Variants in MYO5A observed in about 807,000 individuals in gnomAD.
MYO5A encodes the protein myosin VA, also known as unconventional myosin-Va.
A neutral mutation model predicts 249.7 loss-of-function variants in MYO5A; 98 were observed. The observed-to-expected ratio is 0.39, with a 90% confidence interval of 0.33 to 0.46. MYO5A has a LOEUF of 0.46. MYO5A is among the 20% of genes least tolerant of loss of function. The pLI, the probability that MYO5A is intolerant of heterozygous loss-of-function variation, is 0.98. For missense variants in MYO5A, 1,696 were observed against 2,308.8 expected (o/e 0.73, Z 5.44); for synonymous variants, 778 against 810.6 (o/e 0.96, Z 0.68).
intron 34 of MYO5A, among the ~76,000 whole-genome samples, chr15:52,335,631 A>T (rs2039083474): frequency 6.6e-6 from 1 of 152,118 alleles, no homozygotes. Context: ...AGAAAAGATA[A>T]GATCCATTTG....
chr15:52,399,143 A>G (rs2042626844), intron 9 of MYO5A, among the ~76,000 whole-genome samples: 1 of 152,112 alleles, frequency 6.6e-6, no homozygotes, highest in South Asian at 2.1e-4. Context: ...CTCATTTTGG[A>G]CTTCACCTAT....
At position 52,393,420 on chromosome 15, in the gene MYO5A, G is replaced by A. The variant is rs2042344240; in HGVS notation, c.1402-1350C>T. ...CTTTTCTTTTTTTTTTTGAGACAGA[G>A]TCTTGCTCTGTCACCCAGGCTGGAG... is the stretch of plus-strand genomic sequence containing the variant. On this transcript the variant is annotated intron_variant, in intron 11 of 41. Transcript: ENST00000399233. Among the ~76,000 whole-genome samples, 5 of 149,940 alleles carry A rather than the reference G, an allele frequency of 3.3e-5. No homozygotes were observed. The South Asian group carries it at 1.1e-3, about 32-fold the overall frequency.
chr15:52,319,818 G>A (rs1451547069), intron 38 of MYO5A, among the ~76,000 whole-genome samples: 4 of 152,136 alleles, frequency 2.6e-5, no homozygotes, highest in Non-Finnish European at 5.9e-5. Context: ...CTTTACTGAA[G>A]GAATAATTCT....
intron 12 of MYO5A, among the ~76,000 whole-genome samples, chr15:52,389,751 G>T (rs1203537570): frequency 6.6e-6 from 1 of 152,120 alleles, no homozygotes; most frequent in Admixed American, 6.5e-5. Flanking sequence ...TCAGGAGTTC[G>T]AGATTAGCCT....
chr15:52,463,082 T>G (rs1187083345), intron 1 of MYO5A, among the ~76,000 whole-genome samples: 1 of 152,170 alleles, frequency 6.6e-6, no homozygotes, highest in East Asian at 1.9e-4. Flanking sequence ...CAGTCTATTT[T>G]AGGTTGTAAA....
rs137919637 is a variant in MYO5A at position 52,431,854 on chromosome 15, G to A, written c.138+1321C>T. ...AATTTAAAAATTAGCCAGGCATGGT[G>A]GCTCATGCCTGTGGTTCCAGCCACT... On this transcript the variant is annotated intron_variant, in intron 2 of 41. Coordinates refer to ENST00000399233, the MANE Select transcript of MYO5A (RefSeq NM_001382347.1). 3.1e-4 allele frequency among the ~76,000 whole-genome samples: 47 copies of A among 152,138 alleles called. 1 individual carries two copies. The highest frequency in any genetic ancestry group is 1.0e-3 in the African/African-American group (42 of 41,510).
chr15:52,498,040 C>CTAGAA (rs2077077790), intron 1 of MYO5A, among the ~76,000 whole-genome samples: 1 of 151,530 alleles, frequency 6.6e-6, no homozygotes, highest in South Asian at 2.1e-4. Flanking sequence ...TTCCAAGAAG[C>CTAGAA]TACAAAAAGA....
chr15:52,432,271 C>A (rs1397642450), intron 2 of MYO5A, among the ~76,000 whole-genome samples: 1 of 152,154 alleles, frequency 6.6e-6, no homozygotes, highest in Non-Finnish European at 1.5e-5. Flanking sequence ...GAACACTGGG[C>A]AAATATTAGC....
At chr15:52,461,578 G>A (rs931001429) in intron 1 of MYO5A, among the ~76,000 whole-genome samples, 4 of 152,090 alleles carry the variant, frequency 2.6e-5, no homozygotes, top group African/African-American at 9.7e-5. Context: ...GGGGCTCTAG[G>A]TTAGTAAAAC....
Position 52,340,207 on chromosome 15 carries a change from T to G in MYO5A, c.4228A>C (p.Asn1410His). 6.2e-7 allele frequency: 1 copy of G among 1,614,134 alleles called. No homozygotes were observed. ...GCAGCTCTCCTTACCAAGTTTTCGT[T>G]GGTCAGCCGGGTGATCTCGTGCTGC... ...SLQHEITRLT[N>H]ENLYFEELYA... Residue 1410 changes from asparagine to histidine, a missense_variant, in exon 32 of 42, where the codon AAC (asparagine) becomes CAC (histidine). By Grantham distance (68) the Asn-to-His change is moderately conservative. Around this residue, in one of 5 missense-constraint regions of MYO5A, gnomAD observed 625 missense variants for 908.1 expected, o/e 0.69. Transcript: ENST00000399233.
Position 52,311,840 on chromosome 15 carries a change from C to T in MYO5A, c.*1856G>A, listed in dbSNP as rs952101795. The T allele has an allele frequency of 6.6e-6, 1 of 152,530 alleles. No homozygotes were observed. Among genetic ancestry groups the T allele is most frequent in the Non-Finnish European group, 1.5e-5 (1 of 68,026 alleles). 9.4% of individuals were successfully genotyped at this position (152,530 alleles called of 1,614,324 possible). A position where few individuals can be genotyped will look rare whatever the true frequency, so the allele number is the denominator to read the frequency against. ...ATTTTATAAACGAGGAACTTGAGGC[C>T]CATGTAAATTAACAGACAGTATTTA... On this transcript the variant is annotated 3_prime_UTR_variant, in exon 42 of 42. Transcript: ENST00000399233.
Position 52,343,105 on chromosome 15 carries a change from G to A in MYO5A, c.4040+12C>T. On this transcript the variant is annotated intron_variant, in intron 31 of 41. Transcript: ENST00000399233. Reference sequence around the variant, plus strand: ...AATTAATAACATTCCATTTTGAGGAGACAAATATAACCTGTTGGCTTGTTT... The same window carrying A: ...AATTAATAACATTCCATTTTGAGGAAACAAATATAACCTGTTGGCTTGTTT... The A allele has an allele frequency of 6.2e-7, 1 of 1,602,252 alleles. No homozygotes were observed. Among genetic ancestry groups the A allele is most frequent in the Non-Finnish European group, 8.6e-7 (1 of 1,169,208 alleles).
At chr15:52,316,726 T>C (rs1211266080) in intron 40 of MYO5A, among the ~76,000 whole-genome samples, 1 of 152,234 alleles carries the variant, frequency 6.6e-6, no homozygotes, top group African/African-American at 2.4e-5. Flanking sequence ...GAATATAAGC[T>C]GCATAGACTG....
chr15:52,405,448 A>G, intron 8 of MYO5A, 55 bp from the exon 9 acceptor site: 1 of 1,289,808 alleles, frequency 7.8e-7, no homozygotes, highest in South Asian at 1.2e-5. Context: ...AAACTAAACA[A>G]TTACAGCAGA....
chr15:52,436,620 C>A (rs562254182), intron 1 of MYO5A, among the ~76,000 whole-genome samples: 2 of 152,234 alleles, frequency 1.3e-5, no homozygotes, highest in African/African-American at 4.8e-5. Flanking sequence ...TATTTACTAT[C>A]TCTCTTCCTT....
At chr15:52,505,591 G>T (rs1042927741) in intron 1 of MYO5A, 2 of 1,501,860 alleles carry the variant, frequency 1.3e-6, no homozygotes, top group Non-Finnish European at 1.9e-6. Flanking sequence ...CAAAAAACCT[G>T]CACTTGTTTC....
intron 1 of MYO5A, among the ~76,000 whole-genome samples, chr15:52,474,105 T>C (rs200542061): frequency 0.015 from 2,264 of 152,278 alleles, 28 homozygotes; most frequent in South Asian, 0.024. Flanking sequence ...AGGTCCTTCA[T>C]GTCCCTTGTA....
chr15:52,450,043 C>T (rs2049520), intron 1 of MYO5A, among the ~76,000 whole-genome samples: 22,423 of 151,982 alleles, frequency 0.15, 1,780 homozygotes, highest in Middle Eastern at 0.22. Context: ...TAGAGCAGGG[C>T]GTGGTGATGT....
At position 52,399,198 on chromosome 15, in the gene MYO5A, T is replaced by C. The variant is rs1251592958; in HGVS notation, c.1054-1732A>G. Among the ~76,000 whole-genome samples, 4 of 152,296 alleles carry C rather than the reference T, an allele frequency of 2.6e-5. No individual in the cohort carries two copies. In the East Asian group the frequency reaches 5.8e-4, roughly 22 times the overall value. Reference sequence around the variant, plus strand: ...ATAATCTCCCACTCTGATAGCAAATTTGTCTCTTCTTGAGGTTTCTGTTGA... The same window carrying C: ...ATAATCTCCCACTCTGATAGCAAATCTGTCTCTTCTTGAGGTTTCTGTTGA... On this transcript the variant is annotated intron_variant, in intron 9 of 41. Transcript: ENST00000399233.
Sources: gnomAD v4.1 joint callset for allele counts (sites outside exome capture counted in the v4.1 genomes callset) on GRCh38, gnomAD v4.1.1 for gene constraint, gnomAD v4.1.1 regional missense constraint, MANE v1.5 for transcripts, NCBI Gene and HGNC (gene_info 2026-07-23, HGNC 2026-07-21) for gene names.